PRRC2A: variants seen among roughly 807,000 people sequenced by gnomAD.
PRRC2A encodes proline rich coiled-coil 2A, also known as protein PRRC2A.
PRRC2A carries 59 observed loss-of-function variants against 224.6 expected under a neutral mutation model. That is an observed-to-expected ratio of 0.26 (90% CI 0.21 to 0.33). PRRC2A has a LOEUF of 0.33. Ranked by LOEUF, PRRC2A falls within the 10% of genes least tolerant of loss-of-function variation. The pLI is 1.00. For synonymous variants in PRRC2A, 1,194 were observed against 1,109.5 expected (o/e 1.08, Z -1.51); for missense variants, 3,095 against 2,880.7 (o/e 1.07, Z -1.70).
intron 18 of PRRC2A, 67 bp downstream of exon 18, chr6:31,634,056 T>G (rs1462430491): frequency 6.3e-7 from 1 of 1,582,472 alleles, no homozygotes; most frequent in Non-Finnish European, 8.5e-7. Context: ...TGGGTTATGT[T>G]TTCTCTGTTT....
chr6:31,627,726 C>T lies in PRRC2A; in HGVS notation c.1291-39C>T, dbSNP rs192810781. ...AAAGAGATGATAGAAAGCATAGTAA[C>T]TGATTCCCCTGGCCCTGCTGGGTCT... On this transcript the variant is annotated intron_variant, in intron 11 of 30. Transcript: ENST00000376033. This position sits in a 1 kb window ranked among gnomAD's most constrained non-coding sequence, Gnocchi z 5.6. 3.1e-6 allele frequency: 5 copies of T among 1,600,904 alleles called. No homozygotes were observed. The highest frequency in any genetic ancestry group is 1.1e-5 in the South Asian group (1 of 90,572).
At position 31,625,471 on chromosome 6, in the gene PRRC2A, T is replaced by G. The variant is rs1364416941; in HGVS notation, c.619T>G (p.Trp207Gly). 6.3e-7 allele frequency: 1 copy of G among 1,595,230 alleles called. No homozygotes were observed. Among genetic ancestry groups the G allele is most frequent in the Non-Finnish European group, 8.6e-7 (1 of 1,166,880 alleles). Residue 207 changes from tryptophan to glycine, a missense_variant, in exon 7 of 31, where the codon TGG becomes GGG. Trp to Gly is a radical substitution (Grantham distance 184, BLOSUM62 -2). Transcript: ENST00000376033. The surrounding 1 kb of genome is among the most constrained non-coding windows in gnomAD (Gnocchi z 4.1). ...PSLRPQNSTT[W>G]RDGGGRGPDE... is the part of the protein sequence containing the mutation. ...TTTCCAAAATACAGATTCTACAACT[T>G]GGAGGGACGGAGGTGGGCGTGGCCC...
rs1017295053 is a variant in PRRC2A at position 31,631,412 on chromosome 6, C to G, written c.2739C>G (p.Pro913=). ...ARGVGSGGQG[P]PPPRRESRTE... Reference sequence around the variant, plus strand: ...GAGTCGGGAGTGGAGGCCAGGGCCCCCCACCACCACGCAGAGAGAGTCGCA... The same window carrying G: ...GAGTCGGGAGTGGAGGCCAGGGCCCGCCACCACCACGCAGAGAGAGTCGCA... Residue 913 remains proline (P), a synonymous_variant, in exon 16 of 31, where the codon CCC becomes CCG. Coordinates refer to ENST00000376033, the MANE Select transcript of PRRC2A (RefSeq NM_004638.4). This position sits in a 1 kb window ranked among gnomAD's most constrained non-coding sequence, Gnocchi z 4.5. 10 of 1,609,766 alleles carry G rather than the reference C, an allele frequency of 6.2e-6. No homozygotes were observed. Among genetic ancestry groups the G allele is most frequent in the Non-Finnish European group, 8.5e-6 (10 of 1,178,808 alleles).
At chr6:31,635,329 A>T in intron 22 of PRRC2A, 57 bp downstream of exon 22, 1 of 1,613,854 alleles carries the variant, frequency 6.2e-7, no homozygotes, top group Non-Finnish European at 8.5e-7. Context: ...GGAAGGACTA[A>T]AGGTGGGACA....
intron 16 of PRRC2A, 112 bp from the exon 17 acceptor site, chr6:31,633,267 C>T (rs1200476259): frequency 2.7e-6 from 4 of 1,465,822 alleles, no homozygotes; most frequent in African/African-American, 1.4e-5. Context: ...CTCAAAAACA[C>T]CTGGACTTTA....
rs1358742915 is a variant in PRRC2A, at chr6:31,629,737, C to T, written c.2146C>T (p.Pro716Ser). 1.2e-6 allele frequency: 2 copies of T among 1,611,312 alleles called. No individual in the cohort carries two copies. The highest frequency in any genetic ancestry group is 3.3e-5 in the Admixed American group (2 of 59,830). ...TCTGGGCCGGCCCCCACCCATGCCC[C>T]CAATGAACTTTGATCCCCGATGGAT... Reference protein sequence around the residue: ...GALGRPPPMPPMNFDPRWMMI... With the variant: ...GALGRPPPMPSMNFDPRWMMI... The change falls in exon 14 of 31, where the codon CCA becomes TCA. Residue 716 changes from proline to serine, a missense_variant. This residue lies in a region of PRRC2A where 2,001 missense variants were observed against 1,764.9 expected (regional missense o/e 1.13). Coordinates refer to ENST00000376033, the MANE Select transcript of PRRC2A (RefSeq NM_004638.4).
chr6:31,630,617 A>T lies in PRRC2A; in HGVS notation c.2281A>T (p.Ser761Cys), dbSNP rs1371860015. Residue 761 changes from serine to cysteine, a missense_variant, in exon 15 of 31, where the codon AGT (serine) becomes TGT (cysteine). Ser to Cys is a moderately radical substitution (Grantham distance 112). This residue lies in a region of PRRC2A where 2,001 missense variants were observed against 1,764.9 expected (regional missense o/e 1.13). Transcript: ENST00000376033. The stretch of plus-strand genomic sequence containing the variant: ...CCTAGTTCCCCGAGAGCGTTCAGAC[A>T]GTGGGGGCTCAAGCTCAGAGCCATT... ...SGLVPRERSDSGGSSSEPFDR... is the reference protein window; with the variant it reads ...SGLVPRERSDCGGSSSEPFDR... 1.2e-6 allele frequency: 2 copies of T among 1,613,780 alleles called. No homozygotes were observed. Among genetic ancestry groups the T allele is most frequent in the Non-Finnish European group, 1.7e-6 (2 of 1,179,934 alleles).
chr6:31,621,833 G>A lies in PRRC2A; in HGVS notation c.-100-857G>A, dbSNP rs140321526. 4.1e-3 allele frequency among the ~76,000 whole-genome samples: 621 copies of A among 152,316 alleles called. 2 individuals are homozygous for A. Among genetic ancestry groups the A allele is most frequent in the Middle Eastern group, 0.02 (6 of 294 alleles). ...AGACCTGTCGTCCGGCTTGCTTAGG[G>A]AGCTGGAGGTATCGAGTAAAGAAAC... On this transcript the variant is annotated intron_variant, in intron 1 of 30. Coordinates refer to ENST00000376033, the MANE Select transcript of PRRC2A (RefSeq NM_004638.4).
At position 31,631,511 on chromosome 6, in the gene PRRC2A, C is replaced by T. The variant is rs1194149584; in HGVS notation, c.2838C>T (p.Pro946=). 1 of 1,602,780 alleles carries T rather than the reference C, an allele frequency of 6.2e-7. No individual in the cohort carries two copies. Among genetic ancestry groups the T allele is most frequent in the South Asian group, 1.1e-5 (1 of 89,842 alleles). ...CTCCAGAGGAGCCAGGGGCCCCACC[C>T]CGCCGGGCTGGGCCTATAAAGAAAC... is the stretch of plus-strand genomic sequence containing the variant. ...GIPPEEPGAP[P]RRAGPIKKPP... The change falls in exon 16 of 31, where the codon CCC becomes CCT. Residue 946 remains proline, a synonymous_variant. Coordinates refer to ENST00000376033, the MANE Select transcript of PRRC2A (RefSeq NM_004638.4). This position sits in a 1 kb window ranked among gnomAD's most constrained non-coding sequence, Gnocchi z 4.5.
chr6:31,637,492 G>T lies in PRRC2A; in HGVS notation c.6380G>T (p.Arg2127Leu). The change falls in exon 31 of 31, where the codon CGG (arginine) becomes CTG (leucine). Residue 2127 changes from arginine to leucine, a missense_variant. Around this residue, in one of 8 missense-constraint regions of PRRC2A, gnomAD observed 662 missense variants for 609.5 expected, o/e 1.09. Transcript: ENST00000376033. ...ALRWIPKPWE[R>L]TGPPPREGPS... ...CGCTGGATACCTAAGCCTTGGGAGC[G>T]GACAGGGCCGCCACCTCGAGAAGGG... is the stretch of plus-strand genomic sequence containing the variant. 1 of 1,573,614 alleles carries T rather than the reference G, an allele frequency of 6.4e-7. No homozygotes were observed. The highest frequency in any genetic ancestry group is 8.6e-7 in the Non-Finnish European group (1 of 1,159,918).
intron 3 of PRRC2A, 109 bp downstream of exon 3, chr6:31,624,018 C>A: frequency 7.5e-7 from 1 of 1,325,342 alleles, no homozygotes; most frequent in South Asian, 1.4e-5. Context: ...ACGAAGAGGT[C>A]CCTTTCTTAC....
Position 31,625,496 on chromosome 6 carries a change from C to G in PRRC2A, c.644C>G (p.Pro215Arg). 1 of 1,587,270 alleles carries G rather than the reference C, an allele frequency of 6.3e-7. No homozygotes were observed. Among genetic ancestry groups the G allele is most frequent in the East Asian group, 2.2e-5 (1 of 44,522 alleles). ...TTWRDGGGRG[P>R]DELEGPDSKL... is the part of the protein sequence containing the mutation. ...TGGAGGGACGGAGGTGGGCGTGGCCCTGATGAGCTGGAGGGCCCGGACTCC... is the reference window on the plus strand; with the variant it reads ...TGGAGGGACGGAGGTGGGCGTGGCCGTGATGAGCTGGAGGGCCCGGACTCC... Residue 215 changes from proline to arginine, a missense_variant, in exon 7 of 31, where the codon CCT becomes CGT. Coordinates refer to ENST00000376033, the MANE Select transcript of PRRC2A (RefSeq NM_004638.4). This position sits in a 1 kb window ranked among gnomAD's most constrained non-coding sequence, Gnocchi z 4.1.
chr6:31,630,852 C>T (rs1776476174), intron 15 of PRRC2A, 51 bp downstream of exon 15: 3 of 1,587,986 alleles, frequency 1.9e-6, no homozygotes, highest in African/African-American at 1.3e-5. Flanking sequence ...AGGATCTAGG[C>T]CTGGGAGAAA....
At position 31,629,820 on chromosome 6, in the gene PRRC2A, C is replaced by G; in HGVS notation, c.2229C>G (p.Phe743Leu). 1.2e-6 allele frequency: 2 copies of G among 1,613,986 alleles called. No individual in the cohort carries two copies. Among genetic ancestry groups the G allele is most frequent in the Non-Finnish European group, 1.7e-6 (2 of 1,179,888 alleles). ...RLLQGRPPLDFYPPGVHPSGL... is the reference protein window; with the variant it reads ...RLLQGRPPLDLYPPGVHPSGL... The stretch of plus-strand genomic sequence containing the variant: ...TCCAGGGTCGTCCCCCTCTAGACTT[C>G]TACCCTCCTGGTGTGCATCCCTCTG... Residue 743 changes from phenylalanine (F) to leucine (L), a missense_variant, in exon 14 of 31, where the codon TTC becomes TTG. Transcript: ENST00000376033.
In PRRC2A at chr6:31,637,133, GA is replaced by G; in HGVS notation, c.6241del (p.Arg2081GlyfsTer132). ...GGATCATCACGGACTCCCCCAACTGGAAGGTGAAACGGAATAGGGATGTGGA... is the reference window on the plus strand; with the variant it reads ...GGATCATCACGGACTCCCCCAACTGGAGGTGAAACGGAATAGGGATGTGGA... ...GPGSSRTPPT[G>X]RSFSGLNSRL... is the part of the protein sequence containing the mutation. On this transcript the variant is annotated frameshift_variant and splice_region_variant, in exon 29 of 31. Transcript: ENST00000376033. LOFTEE classifies it high-confidence loss of function. 1 of 1,610,756 alleles carries G rather than the reference GA, an allele frequency of 6.2e-7. No homozygotes were observed. The highest frequency in any genetic ancestry group is 2.2e-5 in the East Asian group (1 of 44,858).
Position 31,635,589 on chromosome 6 carries a change from C to T in PRRC2A, c.5381C>T (p.Pro1794Leu). 6.2e-7 allele frequency: 1 copy of T among 1,610,946 alleles called. No individual in the cohort carries two copies. The highest frequency in any genetic ancestry group is 8.5e-7 in the Non-Finnish European group (1 of 1,178,636). ...ELTASVTEAIPVSRDWELLPS... is the reference protein window; with the variant it reads ...ELTASVTEAILVSRDWELLPS... ...GAGGCCTCTCCTTCCCAGGCCATTC[C>T]TGTATCACGAGACTGGGAGCTGCTT... The change falls in exon 24 of 31, where the codon CCT becomes CTT. Residue 1794 changes from proline to leucine, a missense_variant. Coordinates refer to ENST00000376033, the MANE Select transcript of PRRC2A (RefSeq NM_004638.4).
At chr6:31,621,784 C>T (rs186292125) in intron 1 of PRRC2A, among the ~76,000 whole-genome samples, 2 of 152,316 alleles carry the variant, frequency 1.3e-5, no homozygotes, top group Admixed American at 1.3e-4. Flanking sequence ...AAACGAATGC[C>T]TGGTCACTCT....
intron 15 of PRRC2A, 23 bp downstream of exon 15, chr6:31,630,824 G>C: frequency 1.2e-6 from 2 of 1,611,250 alleles, no homozygotes; most frequent in Non-Finnish European, 1.7e-6. Context: ...CATGAGAAAT[G>C]GGTGAGTTCA....
intron 2 of PRRC2A, chr6:31,623,243 G>A: frequency 1.9e-6 from 1 of 529,678 alleles, no homozygotes. Flanking sequence ...CAGCCTTCTT[G>A]ATAGGGATTT....
Sources: allele counts gnomAD v4.1 joint callset (sites outside exome capture counted in the v4.1 genomes callset), GRCh38; gene constraint gnomAD v4.1.1; regional missense constraint gnomAD v4.1.1; non-coding constraint Gnocchi (gnomAD v3.1); transcripts MANE v1.5; gene names NCBI Gene and HGNC (gene_info 2026-07-23, HGNC 2026-07-21).